DNAJB6: variants seen among roughly 807,000 people sequenced by gnomAD.
The protein encoded by DNAJB6 is DnaJ heat shock protein family (Hsp40) member B6.
In DNAJB6, 16 loss-of-function variants were observed where a neutral mutation model predicts 42.7. The observed-to-expected ratio is 0.37, with a 90% CI of 0.25 to 0.57. The LOEUF (loss-of-function observed/expected upper bound fraction) is 0.57, where lower values mean the gene tolerates loss of function less well. DNAJB6 is among the 20% of genes least tolerant of loss of function. DNAJB6 has a pLI of 0.74. For synonymous variants in DNAJB6, 170 were observed against 163.5 expected, an observed-to-expected ratio of 1.04 and a Z score of -0.30; for missense variants, 347 against 416.8, an observed-to-expected ratio of 0.83 and a Z score of 1.46.
chr7:157,381,760 G>GTGTGTGTA, intron 5 of DNAJB6: 1 of 153,046 alleles, frequency 6.5e-6, no homozygotes, highest in Admixed American at 6.5e-5. Flanking sequence ...GTGTGTGTGT[G>GTGTGTGTA]TGTGTGTGTG....
intron 8 of DNAJB6, among the ~76,000 whole-genome samples, chr7:157,400,725 A>ATG (rs1801822375): frequency 6.6e-6 from 1 of 152,150 alleles, no homozygotes; most frequent in African/African-American, 2.4e-5. Context: ...GAGGGTGTTG[A>ATG]TGAGGCACAC....
intron 5 of DNAJB6, chr7:157,380,354 C>T (rs1466483159): frequency 6.6e-6 from 1 of 152,168 alleles, no homozygotes; most frequent in African/African-American, 2.4e-5. Flanking sequence ...GAGAAATTCA[C>T]AAAATGTTCC....
intron 1 of DNAJB6, among the ~76,000 whole-genome samples, chr7:157,346,689 G>A (rs1408649961): frequency 6.6e-6 from 1 of 152,152 alleles, no homozygotes; most frequent in Admixed American, 6.6e-5. Flanking sequence ...ACCTTTCATG[G>A]AGTTTGTCAA....
intron 9 of DNAJB6, chr7:157,410,309 C>T (rs1795928990): frequency 7.6e-6 from 4 of 527,134 alleles, no homozygotes; most frequent in Non-Finnish European, 1.2e-5. Context: ...GTAGACGTGC[C>T]TTTTCGTAGC....
At chr7:157,385,043 A>G (rs1800985465) in intron 7 of DNAJB6, 35 bp downstream of exon 7, 3 of 1,603,880 alleles carry the variant, frequency 1.9e-6, no homozygotes, top group Non-Finnish European at 2.6e-6. Context: ...ATTTTTAGTA[A>G]GCAGGCGTAA....
intron 9 of DNAJB6, chr7:157,414,877 A>G (rs896037856): frequency 6.6e-5 from 10 of 152,242 alleles, no homozygotes; most frequent in African/African-American, 2.4e-4. Context: ...GTGGACTTGC[A>G]CCTGTGACAT....
chr7:157,374,496 C>T (rs530370465), intron 5 of DNAJB6, among the ~76,000 whole-genome samples: 101 of 152,118 alleles, frequency 6.6e-4, no homozygotes, highest in African/African-American at 2.2e-3. Flanking sequence ...TGAGCTCAGG[C>T]GATCCACCCA....
intron 3 of DNAJB6, among the ~76,000 whole-genome samples, chr7:157,365,158 T>TGCCCA (rs1410960644): frequency 1.1e-4 from 16 of 152,374 alleles, no homozygotes; most frequent in African/African-American, 3.4e-4. Context: ...TTTGCCGTGT[T>TGCCCA]GCCCAGGCTG....
In DNAJB6 at chr7:157,409,833, C is replaced by T. The variant is rs752973130; in HGVS notation, c.730C>T (p.Arg244Trp). The change falls in exon 9 of 10, where the codon CGG becomes TGG. Residue 244 changes from arginine to tryptophan, a missense_variant. This residue lies in a region of DNAJB6 where 264 missense variants were observed against 288.0 expected (regional missense o/e 0.92). Coordinates refer to ENST00000262177, the MANE Select transcript of DNAJB6 (RefSeq NM_058246.4). Reference protein sequence around the residue: ...DDDALAEERMRRGQNALPAQP... With the variant: ...DDDALAEERMWRGQNALPAQP... ...CGATGCCCTCGCTGAGGAGCGCATG[C>T]GGAGAGGCCAGAACGCCCTGCCAGC... 13 of 1,533,432 alleles carry T rather than the reference C, an allele frequency of 8.5e-6. No homozygotes were observed. Among genetic ancestry groups the T allele is most frequent in the South Asian group, 8.3e-5 (7 of 83,834 alleles). The allele number at this position is 1,533,432 out of a possible 1,614,324, so 95.0% of individuals were successfully genotyped here. A position where few individuals can be genotyped will look rare whatever the true frequency, so the allele number is the denominator to read the frequency against.
At chr7:157,404,257 A>G (rs1327784746) in intron 8 of DNAJB6, among the ~76,000 whole-genome samples, 1 of 150,594 alleles carries the variant, frequency 6.6e-6, no homozygotes, top group Non-Finnish European at 1.5e-5. Context: ...GACAGGTGTG[A>G]GCTGCCACTT....
At chr7:157,398,603 AGT>A (rs552982226) in intron 8 of DNAJB6, among the ~76,000 whole-genome samples, 106 of 152,246 alleles carry the variant, frequency 7.0e-4, no homozygotes, top group African/African-American at 2.3e-3. Context: ...CGATGATTTC[AGT>A]GTGTTTTTGG....
chr7:157,347,823 T>C (rs1366978456), intron 1 of DNAJB6, among the ~76,000 whole-genome samples: 4 of 152,210 alleles, frequency 2.6e-5, no homozygotes, highest in African/African-American at 9.7e-5. Context: ...TGAGTTGGAG[T>C]CTCGCTCTGT....
chr7:157,343,978 C>T (rs1175679099), intron 1 of DNAJB6, among the ~76,000 whole-genome samples: 2 of 152,024 alleles, frequency 1.3e-5, no homozygotes, highest in Admixed American at 6.6e-5. Context: ...GAAAAGTTTT[C>T]TATGGCTTCC....
intron 8 of DNAJB6, among the ~76,000 whole-genome samples, chr7:157,400,675 G>T (rs1035449444): frequency 1.3e-5 from 2 of 152,262 alleles, no homozygotes; most frequent in African/African-American, 4.8e-5. Context: ...CGCCTGGCAC[G>T]TGTCAGCTGT....
intron 6 of DNAJB6, 109 bp from the exon 7 acceptor site, chr7:157,384,758 G>A: frequency 8.9e-7 from 1 of 1,126,886 alleles, no homozygotes. Context: ...TTACTCCTCG[G>A]TTCTATGCCT....
chr7:157,386,222 A>G, intron 8 of DNAJB6: 5 of 981,278 alleles, frequency 5.1e-6, no homozygotes, highest in Non-Finnish European at 6.0e-6. Context: ...TAGGTTTAAA[A>G]AAGTAAAGCT....
intron 8 of DNAJB6, among the ~76,000 whole-genome samples, chr7:157,399,485 C>T (rs2117160681): frequency 6.6e-6 from 1 of 152,336 alleles, no homozygotes; most frequent in African/African-American, 2.4e-5. Flanking sequence ...CGTTGACCTA[C>T]AGCTGCTTGC....
intron 1 of DNAJB6, among the ~76,000 whole-genome samples, chr7:157,350,044 C>T (rs913954058): frequency 1.3e-5 from 2 of 152,088 alleles, no homozygotes; most frequent in African/African-American, 2.4e-5. Flanking sequence ...CATTCTCTGT[C>T]CCCAGAACAC....
intron 3 of DNAJB6, among the ~76,000 whole-genome samples, chr7:157,365,967 T>TCGTC: frequency 6.6e-6 from 1 of 150,726 alleles, no homozygotes; most frequent in South Asian, 2.1e-4. Context: ...CGTGGCTAAG[T>TCGTC]CCCCCCCGCG....
Sources: allele counts gnomAD v4.1 joint callset (sites outside exome capture counted in the v4.1 genomes callset), GRCh38; gene constraint gnomAD v4.1.1; regional missense constraint gnomAD v4.1.1; transcripts MANE v1.5; gene names NCBI Gene and HGNC (gene_info 2026-07-23, HGNC 2026-07-21).